The following C6orf118 variants were observed in gnomAD, a reference collection of about 807,000 sequenced individuals.
C6orf118 encodes uncharacterized protein C6orf118.
In C6orf118, 50 loss-of-function variants were observed where a neutral mutation model predicts 50.2. The ratio of observed to expected loss-of-function variants is 1.00; its 90% CI spans 0.79 to 1.26. The LOEUF (loss-of-function observed/expected upper bound fraction) is 1.26, where lower values mean the gene tolerates loss of function less well. Ranked by LOEUF, C6orf118 falls within the 50% of genes most tolerant of loss-of-function variation. C6orf118 has a pLI of 0.00. For synonymous variants in C6orf118, 239 were observed against 230.9 expected (o/e 1.03, Z -0.32); for missense variants, 641 against 578.7 (o/e 1.11, Z -1.10).
chr6:165,299,088 G>A (rs1337464708), intron 4 of C6orf118, among the ~76,000 whole-genome samples: 1 of 152,222 alleles, frequency 6.6e-6, no homozygotes, highest in Non-Finnish European at 1.5e-5. Flanking sequence ...GTTTGAGTCA[G>A]CTTACAGCAC....
At chr6:165,283,235 C>T (rs926535812) in intron 7 of C6orf118, among the ~76,000 whole-genome samples, 4 of 152,110 alleles carry the variant, frequency 2.6e-5, no homozygotes, top group African/African-American at 7.2e-5. Flanking sequence ...ACCTGGGAGC[C>T]GCAAGGGGAC....
chr6:165,288,439 T>C (rs576773150), intron 7 of C6orf118, among the ~76,000 whole-genome samples: 1 of 152,280 alleles, frequency 6.6e-6, no homozygotes, highest in South Asian at 2.1e-4. Context: ...CTTTTGTATA[T>C]ACCCAAAGGA....
At chr6:165,280,490 C>T (rs1779692073) in intron 8 of C6orf118, among the ~76,000 whole-genome samples, 1 of 152,150 alleles carries the variant, frequency 6.6e-6, no homozygotes, top group African/African-American at 2.4e-5. Context: ...ACCACAAAAC[C>T]TAGATCCACC....
At chr6:165,294,428 A>C (rs1450593861) in intron 5 of C6orf118, among the ~76,000 whole-genome samples, 1 of 152,214 alleles carries the variant, frequency 6.6e-6, no homozygotes, top group Non-Finnish European at 1.5e-5. Context: ...AACAGGTATT[A>C]CATATTTTGA....
intron 1 of C6orf118, among the ~76,000 whole-genome samples, chr6:165,305,680 T>C (rs1780694396): frequency 8.4e-6 from 1 of 119,246 alleles, no homozygotes; most frequent in South Asian, 2.8e-4. Context: ...AACAGAAACT[T>C]CTCAAAAGAA....
chr6:165,298,912 A>C (rs959674495), intron 4 of C6orf118, among the ~76,000 whole-genome samples: 17 of 152,266 alleles, frequency 1.1e-4, no homozygotes, highest in Non-Finnish European at 2.5e-4. Flanking sequence ...TCAAAATACC[A>C]AAGTTATCTT....
intron 6 of C6orf118, among the ~76,000 whole-genome samples, chr6:165,292,903 A>C (rs553660278): frequency 9.8e-5 from 15 of 152,342 alleles, no homozygotes; most frequent in Admixed American, 9.8e-4. Flanking sequence ...AATTCAAAAC[A>C]GGATAGTCCT....
chr6:165,300,289 G>A (rs1259778773), intron 3 of C6orf118, 75 bp downstream of exon 3: 11 of 1,549,442 alleles, frequency 7.1e-6, no homozygotes, highest in Non-Finnish European at 7.1e-6. Flanking sequence ...ATTTCAGTGC[G>A]GCTTGAGATC....
intron 8 of C6orf118, 74 bp downstream of exon 8, chr6:165,281,566 C>A: frequency 3.4e-6 from 5 of 1,451,398 alleles, no homozygotes; most frequent in Non-Finnish European, 4.5e-6. Context: ...GTTGGTCATG[C>A]TTATTACACA....
At chr6:165,291,571 T>C (rs1338014539) in intron 6 of C6orf118, among the ~76,000 whole-genome samples, 1 of 152,142 alleles carries the variant, frequency 6.6e-6, no homozygotes, top group Non-Finnish European at 1.5e-5. Flanking sequence ...ATCTCGGACA[T>C]GTTGAAATAC....
In C6orf118 at chr6:165,301,807, C is replaced by A. The variant is rs545305011; in HGVS notation, c.515G>T (p.Arg172Leu). 3.7e-6 allele frequency: 6 copies of A among 1,613,820 alleles called. No homozygotes were observed. The African/African-American group carries it at 5.3e-5, about 14-fold the overall frequency. The part of the protein sequence containing the change: ...GPPGRGPPGW[R>L]RREELRLPDL... ...GGGCAGCCGGAGTTCTTCCCTCCTG[C>A]GCCATCCAGGAGGGCCCCGTCCAGG... Residue 172 changes from arginine (R) to leucine (L), a missense_variant, in exon 2 of 9, where the codon CGC becomes CTC. Physicochemically the swap from Arg to Leu is moderately radical, Grantham distance 102 (BLOSUM62 -2). Coordinates refer to ENST00000230301, the MANE Select transcript of C6orf118 (RefSeq NM_144980.4).
intron 7 of C6orf118, among the ~76,000 whole-genome samples, chr6:165,284,419 A>G (rs561935509): frequency 1.6e-4 from 25 of 152,214 alleles, no homozygotes; most frequent in Non-Finnish European, 2.9e-4. Flanking sequence ...CATCCAGGAG[A>G]ACTTCCCCAA....
At chr6:165,301,368 C>A (rs1438410571) in intron 2 of C6orf118, among the ~76,000 whole-genome samples, 1 of 149,836 alleles carries the variant, frequency 6.7e-6, no homozygotes, top group Non-Finnish European at 1.5e-5. Context: ...ACCAAGAGCA[C>A]TGCACCGAGA....
rs17856754 is a variant in C6orf118, at chr6:165,290,034, C to T, written c.1154G>A (p.Arg385Gln). Residue 385 changes from arginine (R) to glutamine (Q), a missense_variant, in exon 7 of 9, where the codon CGA becomes CAA. By Grantham distance (43) the Arg-to-Gln change is conservative. Coordinates refer to ENST00000230301, the MANE Select transcript of C6orf118 (RefSeq NM_144980.4). The stretch of plus-strand genomic sequence containing the variant: ...TTCAACCTTCTCAGTAAGAGTAAGT[C>T]GGTTTTCATCAATTATATGTTTCTC... ...SSEKHIIDEN[R>Q]LTLTEKVEKK... 110,868 of 1,602,994 alleles carry T rather than the reference C, an allele frequency of 0.069. 4,369 individuals are homozygous for T. Among genetic ancestry groups the T allele is most frequent in the Non-Finnish European group, 0.081 (94,609 of 1,174,786 alleles).
In C6orf118 at chr6:165,290,493, G is replaced by T. The variant is rs374309670; in HGVS notation, c.1121-426C>A. 4.1e-4 allele frequency among the ~76,000 whole-genome samples: 62 copies of T among 152,246 alleles called. 2 individuals are homozygous for T. The East Asian group carries it at 8.5e-3, about 21-fold the overall frequency. On this transcript the variant is annotated intron_variant, in intron 6 of 8. Transcript: ENST00000230301. The stretch of plus-strand genomic sequence containing the variant: ...TTTGCCAGAGAAGTGTGGCTAGGTT[G>T]AAATACAAAGGATAAAGAGAAGTTA...
At chr6:165,288,415 G>A (rs12717795) in intron 7 of C6orf118, among the ~76,000 whole-genome samples, 52 of 152,218 alleles carry the variant, frequency 3.4e-4, no homozygotes, top group Non-Finnish European at 5.0e-4. Flanking sequence ...ATTTGACCCA[G>A]CAAACCCAAA....
At chr6:165,294,272 A>AAAAAAAAAAAAAC (rs1562328693) in intron 5 of C6orf118, among the ~76,000 whole-genome samples, 1 of 145,106 alleles carries the variant, frequency 6.9e-6, no homozygotes, top group Non-Finnish European at 1.5e-5. Context: ...AAAAAACAAA[A>AAAAAAAAAAAAAC]AAAAAAAAAG....
chr6:165,296,746 C>T (rs1021899429), intron 5 of C6orf118, among the ~76,000 whole-genome samples: 3 of 152,162 alleles, frequency 2.0e-5, no homozygotes, highest in African/African-American at 7.2e-5. Context: ...CTGAGAGGTA[C>T]GCTGCCTTCT....
At chr6:165,297,363 C>A in intron 5 of C6orf118, among the ~76,000 whole-genome samples, 1 of 150,242 alleles carries the variant, frequency 6.7e-6, no homozygotes. Context: ...GAGATCACCC[C>A]ACTGCACTCC....
Sources: allele counts gnomAD v4.1 joint callset (sites outside exome capture counted in the v4.1 genomes callset), GRCh38; gene constraint gnomAD v4.1.1; transcripts MANE v1.5; gene names NCBI Gene and HGNC (gene_info 2026-07-23, HGNC 2026-07-21).